The following DOCK3 variants were observed in gnomAD, a reference collection of about 807,000 sequenced individuals.
The protein encoded by DOCK3 is dedicator of cytokinesis protein 3.
Under a neutral mutation model 265.6 loss-of-function variants are expected in DOCK3, and 60 were observed. That is an observed-to-expected ratio of 0.23 (90% CI 0.18 to 0.28). The LOEUF (loss-of-function observed/expected upper bound fraction) is 0.28, where lower values mean the gene tolerates loss of function less well. DOCK3 is among the 10% of genes least tolerant of loss of function. The pLI is 1.00. For missense variants in DOCK3, 1,981 were observed against 2,594.3 expected (o/e 0.76, Z 5.14); for synonymous variants, 881 against 938.0 (o/e 0.94, Z 1.11).
chr3:50,945,199 G>A (rs752765067), intron 5 of DOCK3, among the ~76,000 whole-genome samples: 34 of 152,154 alleles, frequency 2.2e-4, no homozygotes, highest in Non-Finnish European at 4.6e-4. Flanking sequence ...TATAATTGTA[G>A]ATAAATTGCT....
chr3:50,916,665 T>C (rs1285323155), intron 4 of DOCK3, among the ~76,000 whole-genome samples: 2 of 151,714 alleles, frequency 1.3e-5, no homozygotes, highest in Non-Finnish European at 2.9e-5. Flanking sequence ...AAAAATTAGC[T>C]GGGTGTGGTG....
chr3:51,186,818 C>T (rs562497797), intron 12 of DOCK3, among the ~76,000 whole-genome samples: 10 of 152,302 alleles, frequency 6.6e-5, no homozygotes, highest in South Asian at 4.1e-4. Context: ...AGCCTGCCAG[C>T]GCACAGAAGT....
chr3:51,185,553 T>C (rs944710591), intron 12 of DOCK3, among the ~76,000 whole-genome samples: 1 of 152,238 alleles, frequency 6.6e-6, no homozygotes, highest in Non-Finnish European at 1.5e-5. Context: ...TGTTCTAAGA[T>C]AGTAAAGCTT....
At chr3:51,023,032 A>G (rs1013072344) in intron 5 of DOCK3, among the ~76,000 whole-genome samples, 2 of 152,086 alleles carry the variant, frequency 1.3e-5, no homozygotes, top group East Asian at 3.9e-4. Context: ...TGCCTTGGCT[A>G]TGGTCTTTTT....
intron 2 of DOCK3, among the ~76,000 whole-genome samples, chr3:50,836,711 T>C (rs1158520881): frequency 2.6e-5 from 4 of 152,230 alleles, no homozygotes; most frequent in East Asian, 1.9e-4. Flanking sequence ...TCATTACTTA[T>C]GCAAATTTCT....
At chr3:50,903,159 A>G (rs1262475815) in intron 4 of DOCK3, among the ~76,000 whole-genome samples, 2 of 151,806 alleles carry the variant, frequency 1.3e-5, no homozygotes, top group Non-Finnish European at 2.9e-5. Flanking sequence ...TGAATACTTT[A>G]TTTCTCTTGC....
intron 2 of DOCK3, among the ~76,000 whole-genome samples, chr3:50,819,877 G>A (rs1473838593): frequency 6.6e-6 from 1 of 152,152 alleles, no homozygotes; most frequent in Non-Finnish European, 1.5e-5. Flanking sequence ...CAGGAGAATC[G>A]CTTGAGCCTG....
At chr3:50,993,807 G>A (rs2078189869) in intron 5 of DOCK3, among the ~76,000 whole-genome samples, 1 of 152,096 alleles carries the variant, frequency 6.6e-6, no homozygotes, top group East Asian at 1.9e-4. Context: ...ATTTGATCAT[G>A]CCATTGCCCT....
chr3:51,052,374 C>T (rs1422922024), intron 5 of DOCK3, among the ~76,000 whole-genome samples: 3 of 152,040 alleles, frequency 2.0e-5, no homozygotes, highest in Non-Finnish European at 4.4e-5. Flanking sequence ...GCATGGTGCA[C>T]CTATAGTCCC....
chr3:51,220,705 GTGTGTA>G (rs1218875675), intron 14 of DOCK3, among the ~76,000 whole-genome samples: 10 of 133,294 alleles, frequency 7.5e-5, no homozygotes, highest in South Asian at 2.3e-4. Context: ...GTGTGTGTGT[GTGTGTA>G]TATATATATA....
chr3:51,216,251 T>G (rs1051160701), intron 14 of DOCK3, among the ~76,000 whole-genome samples: 1 of 152,192 alleles, frequency 6.6e-6, no homozygotes, highest in African/African-American at 2.4e-5. Flanking sequence ...AAAATTTGAT[T>G]TTAAGTTACA....
chr3:51,368,082 G>A (rs1435976691), intron 49 of DOCK3, among the ~76,000 whole-genome samples: 2 of 152,208 alleles, frequency 1.3e-5, no homozygotes, highest in African/African-American at 2.4e-5. Context: ...ATCCTGAAGA[G>A]TGTTTTCCAA....
At chr3:51,096,990 G>T (rs1430873303) in intron 9 of DOCK3, among the ~76,000 whole-genome samples, 1 of 152,228 alleles carries the variant, frequency 6.6e-6, no homozygotes, top group African/African-American at 2.4e-5. Flanking sequence ...CTTCGTCCCA[G>T]AGGGGCACCC....
chr3:51,016,764 T>C (rs2079318959), intron 5 of DOCK3, among the ~76,000 whole-genome samples: 2 of 44,618 alleles, frequency 4.5e-5, no homozygotes, highest in Non-Finnish European at 7.0e-5. Flanking sequence ...ATATATATGA[T>C]ATATGTTTAT....
At chr3:50,877,595 A>G (rs2047771499) in intron 3 of DOCK3, 1 of 517,244 alleles carries the variant, frequency 1.9e-6, no homozygotes, top group Non-Finnish European at 3.9e-6. Flanking sequence ...GCATCTCTGA[A>G]CAAGACAGTG....
intron 1 of DOCK3, among the ~76,000 whole-genome samples, chr3:50,678,611 T>C (rs1037525285): frequency 1.3e-5 from 2 of 152,102 alleles, no homozygotes; most frequent in East Asian, 3.9e-4. Flanking sequence ...CTTCAGAAGG[T>C]CATCTTGTTT....
At chr3:51,054,233 G>C (rs1474113791) in intron 5 of DOCK3, among the ~76,000 whole-genome samples, 1 of 151,764 alleles carries the variant, frequency 6.6e-6, no homozygotes, top group Non-Finnish European at 1.5e-5. Context: ...TAGCTTGGCT[G>C]GATATATACT....
At chr3:51,118,297 A>C (rs1576141349) in intron 9 of DOCK3, among the ~76,000 whole-genome samples, 2 of 152,240 alleles carry the variant, frequency 1.3e-5, no homozygotes, top group Middle Eastern at 6.8e-3. Flanking sequence ...CTGTGTTCTA[A>C]TTTGATTGCA....
At chr3:51,019,144 A>G (rs1379750233) in intron 5 of DOCK3, among the ~76,000 whole-genome samples, 4 of 151,898 alleles carry the variant, frequency 2.6e-5, no homozygotes, top group Non-Finnish European at 4.4e-5. Context: ...AGTCTACTTT[A>G]TCAGCCTTAC....
Sources: gnomAD v4.1 joint callset for allele counts (sites outside exome capture counted in the v4.1 genomes callset) on GRCh38, gnomAD v4.1.1 for gene constraint, MANE v1.5 for transcripts, NCBI Gene and HGNC (gene_info 2026-07-23, HGNC 2026-07-21) for gene names.